The following AEBP2 variants were observed in gnomAD, a reference collection of about 807,000 sequenced individuals.
The protein encoded by AEBP2 is zinc finger protein AEBP2.
AEBP2 carries 10 observed loss-of-function variants against 50.8 expected under a neutral mutation model. The observed-to-expected ratio is 0.20, with a 90% confidence interval of 0.12 to 0.33. AEBP2 has a LOEUF of 0.33. Among genes scored for constraint, AEBP2 ranks in the 10% least tolerant of loss-of-function variants. The pLI, the probability that AEBP2 is intolerant of heterozygous loss-of-function variation, is 1.00. For missense variants in AEBP2, 570 were observed against 688.0 expected (o/e 0.83, Z 1.92); for synonymous variants, 296 against 261.3 (o/e 1.13, Z -1.28).
intron 1 of AEBP2, among the ~76,000 whole-genome samples, chr12:19,449,858 A>G (rs1948136029): frequency 6.6e-6 from 1 of 152,188 alleles, no homozygotes; most frequent in Admixed American, 6.5e-5. Flanking sequence ...AATGATGAGC[A>G]TTTACTACGT....
intron 1 of AEBP2, among the ~76,000 whole-genome samples, chr12:19,407,884 A>G (rs1318701585): frequency 6.6e-6 from 1 of 151,956 alleles, no homozygotes; most frequent in Admixed American, 6.6e-5. Context: ...CTCCGTCTCT[A>G]CTGAAAATAC....
At position 19,493,930 on chromosome 12, in the gene AEBP2, C is replaced by T. The variant is rs1948931219; in HGVS notation, c.1118C>T (p.Ser373Phe). 8 of 1,613,188 alleles carry T rather than the reference C, an allele frequency of 5.0e-6. No homozygotes were observed. In the East Asian group the frequency reaches 1.6e-4, roughly 31 times the overall value. Residue 373 changes from serine to phenylalanine, a missense_variant, in exon 4 of 8, where the codon TCT (serine) becomes TTT (phenylalanine). Ser to Phe is a radical substitution (Grantham distance 155). Coordinates refer to ENST00000266508, the MANE Select transcript of AEBP2 (RefSeq NM_153207.5). ...CCAAAGGCCAAAGAAGAATCTCCTT[C>T]TAAAGCTGGAATGAACAAAAGGAGG... Reference protein sequence around the residue: ...SQPKAKEESPSKAGMNKRRKL... With the variant: ...SQPKAKEESPFKAGMNKRRKL...
At chr12:19,462,813 A>T (rs1948402292) in intron 2 of AEBP2, 96 bp downstream of exon 2, 1 of 1,160,462 alleles carries the variant, frequency 8.6e-7, no homozygotes. Flanking sequence ...GTAATTTGGG[A>T]TTATTTTTAC....
At chr12:19,447,097 A>G (rs556528963) in intron 1 of AEBP2, among the ~76,000 whole-genome samples, 1 of 152,374 alleles carries the variant, frequency 6.6e-6, no homozygotes, top group East Asian at 1.9e-4. Context: ...TAGCATGTTC[A>G]GGAGACTTCC....
intron 1 of AEBP2, among the ~76,000 whole-genome samples, chr12:19,419,803 G>A (rs537115630): frequency 3.3e-4 from 49 of 149,976 alleles, no homozygotes; most frequent in African/African-American, 1.1e-3. Flanking sequence ...GGTGGTGTGC[G>A]TCTGTAATCC....
At chr12:19,485,109 A>G (rs1288617547) in intron 3 of AEBP2, among the ~76,000 whole-genome samples, 1 of 152,162 alleles carries the variant, frequency 6.6e-6, no homozygotes, top group Non-Finnish European at 1.5e-5. Context: ...CCATGTGTGT[A>G]TGTGTGTGTA....
At chr12:19,516,739 C>T (rs963803614) in intron 7 of AEBP2, among the ~76,000 whole-genome samples, 1 of 152,042 alleles carries the variant, frequency 6.6e-6, no homozygotes, top group Non-Finnish European at 1.5e-5. Flanking sequence ...TCAAAAAAGC[C>T]GTCTTGGCCC....
chr12:19,409,260 A>G (rs963443633), intron 1 of AEBP2, among the ~76,000 whole-genome samples: 1 of 152,184 alleles, frequency 6.6e-6, no homozygotes, highest in Admixed American at 6.5e-5. Context: ...TAGTTCAATT[A>G]CAGAACTTCG....
At chr12:19,512,102 A>G (rs541500720) in intron 5 of AEBP2, among the ~76,000 whole-genome samples, 1 of 152,104 alleles carries the variant, frequency 6.6e-6, no homozygotes, top group African/African-American at 2.4e-5. Context: ...GCTCACTGCA[A>G]CCGCCACCTC....
At chr12:19,480,062 ATTG>A (rs1158180896) in intron 3 of AEBP2, among the ~76,000 whole-genome samples, 1 of 150,056 alleles carries the variant, frequency 6.7e-6, no homozygotes, top group Non-Finnish European at 1.5e-5. Flanking sequence ...TCATTGTGTT[ATTG>A]TTTTATAGGT....
chr12:19,512,646 G>A (rs991394841), intron 6 of AEBP2, among the ~76,000 whole-genome samples, 181 bp downstream of exon 6: 24 of 151,402 alleles, frequency 1.6e-4, no homozygotes, highest in African/African-American at 5.8e-4. Flanking sequence ...CACGTTTTAC[G>A]CTTCAAAACT....
In AEBP2 at chr12:19,462,804, T is replaced by G. The variant is rs1039398234; in HGVS notation, c.879+87T>G. ...GCTAGTTAGGCTTTTTTGCTGAAAG[T>G]AATTTGGGATTATTTTTACACAGGC... On this transcript the variant is annotated intron_variant, in intron 2 of 7. Transcript: ENST00000266508. The G allele has an allele frequency of 5.7e-6, 7 of 1,229,304 alleles. No individual in the cohort carries two copies. In the African/African-American group the frequency reaches 1.1e-4, roughly 19 times the overall value. 76.1% of individuals were successfully genotyped at this position (1,229,304 alleles called of 1,614,324 possible). A position where few individuals can be genotyped will look rare whatever the true frequency, so the allele number is the denominator to read the frequency against.
intron 1 of AEBP2, among the ~76,000 whole-genome samples, chr12:19,421,416 G>C (rs987551078): frequency 2.0e-5 from 3 of 151,462 alleles, no homozygotes; most frequent in Non-Finnish European, 2.9e-5. Context: ...ATTTTGGCAG[G>C]CTGAGGTGGG....
At position 19,521,426 on chromosome 12, in the gene AEBP2, T is replaced by G. The variant is rs922515924; in HGVS notation, c.*3309T>G. The G allele has an allele frequency of 6.6e-6, 1 of 152,164 alleles. No individual in the cohort carries two copies. The highest frequency in any genetic ancestry group is 2.4e-5 in the African/African-American group (1 of 41,444). The allele number at this position is 152,164 out of a possible 1,614,324, so 9.4% of individuals were successfully genotyped here. On this transcript the variant is annotated 3_prime_UTR_variant, in exon 8 of 8. Transcript: ENST00000266508. ...TTTCTGTATTTATTTTGCTAAGAAC[T>G]AAATAAGATTTTGTACATCAGATTG...
chr12:19,454,910 A>C lies in AEBP2; in HGVS notation c.672-7600A>C, dbSNP rs549890079. ...CCTCAGACTGAATTTCAAATTCAGC[A>C]GTTAACCTCAGAATAAAATAAAAGT... On this transcript the variant is annotated intron_variant, in intron 1 of 7. Coordinates refer to ENST00000266508, the MANE Select transcript of AEBP2 (RefSeq NM_153207.5). Among the ~76,000 whole-genome samples the C allele has an allele frequency of 6.6e-5, 10 of 152,340 alleles. No homozygotes were observed. The South Asian group carries it at 1.9e-3, about 28-fold the overall frequency.
At chr12:19,465,735 A>G (rs1948460648) in intron 2 of AEBP2, among the ~76,000 whole-genome samples, 1 of 151,716 alleles carries the variant, frequency 6.6e-6, no homozygotes, top group Non-Finnish European at 1.5e-5. Context: ...ACTATAAAAG[A>G]CAAGAAAACT....
upstream of AEBP2, among the ~76,000 whole-genome samples, chr12:19,436,600 G>T (rs1287407943): frequency 4.8e-5 from 7 of 146,226 alleles, no homozygotes; most frequent in Admixed American, 1.4e-4. Context: ...TTTTTTTTGG[G>T]GGGGGGATAA....
intron 1 of AEBP2, among the ~76,000 whole-genome samples, chr12:19,408,267 CTT>C (rs950970593): frequency 1.3e-5 from 2 of 151,820 alleles, no homozygotes; most frequent in African/African-American, 4.8e-5. Flanking sequence ...AGTAGAAAGA[CTT>C]TTCTTGGCCG....
intron 1 of AEBP2, among the ~76,000 whole-genome samples, chr12:19,455,834 G>A (rs745367055): frequency 1.2e-4 from 18 of 152,144 alleles, no homozygotes; most frequent in Non-Finnish European, 2.4e-4. Flanking sequence ...AACAACGTGT[G>A]TGTAGGTGTT....
Sources: gnomAD v4.1 joint callset for allele counts (sites outside exome capture counted in the v4.1 genomes callset) on GRCh38, gnomAD v4.1.1 for gene constraint, MANE v1.5 for transcripts, NCBI Gene and HGNC (gene_info 2026-07-23, HGNC 2026-07-21) for gene names.